COQ2: variants seen among roughly 807,000 people sequenced by gnomAD.
The protein encoded by COQ2 is 4-hydroxybenzoate polyprenyltransferase, mitochondrial.
A neutral mutation model predicts 35.7 loss-of-function variants in COQ2; 25 were observed. The ratio of observed to expected loss-of-function variants is 0.70; its 90% confidence interval spans 0.51 to 0.98. The LOEUF is 0.98. Ranked by LOEUF, COQ2 falls within the 50% of genes least tolerant of loss-of-function variation. The pLI, the probability that COQ2 is intolerant of heterozygous loss-of-function variation, is 0.00. For synonymous variants in COQ2, 206 were observed against 186.2 expected, an observed-to-expected ratio of 1.11 and a Z score of -0.86; for missense variants, 488 against 473.5, an observed-to-expected ratio of 1.03 and a Z score of -0.28.
rs1480123210 is a variant in COQ2, at chr4:83,264,115, T to A, written c.*84A>T. The A allele has an allele frequency of 5.1e-6, 4 of 787,330 alleles. No homozygotes were observed. Among genetic ancestry groups the A allele is most frequent in the Non-Finnish European group, 1.9e-6 (1 of 517,566 alleles). 48.8% of individuals were successfully genotyped at this position (787,330 alleles called of 1,614,324 possible). On this transcript the variant is annotated 3_prime_UTR_variant, in exon 7 of 7. Transcript: ENST00000647002. The stretch of plus-strand genomic sequence containing the variant: ...CTTCATCTTCAGGTTCTTAATTCTT[T>A]AACATATTGTATCAGATTTTGTATT...
intron 2 of COQ2, among the ~76,000 whole-genome samples, chr4:83,276,661 A>G (rs1735193577): frequency 6.6e-6 from 1 of 152,192 alleles, no homozygotes; most frequent in African/African-American, 2.4e-5. Context: ...AACTAAAAAC[A>G]GAACTACTAA....
chr4:83,271,348 G>A (rs1735043496), intron 4 of COQ2, among the ~76,000 whole-genome samples: 1 of 152,154 alleles, frequency 6.6e-6, no homozygotes, highest in South Asian at 2.1e-4. Context: ...AGAAGAGACT[G>A]TCTAACTTCT....
intron 5 of COQ2, among the ~76,000 whole-genome samples, chr4:83,268,412 T>C (rs1184096922): frequency 6.6e-6 from 1 of 152,198 alleles, no homozygotes; most frequent in Non-Finnish European, 1.5e-5. Context: ...TTGTAAATAA[T>C]GATGGTCACG....
rs1302463616 is a variant in COQ2, at chr4:83,284,542, A to G, written c.223T>C (p.Leu75=). 2 of 1,575,258 alleles carry G rather than the reference A, an allele frequency of 1.3e-6. No homozygotes were observed. Among genetic ancestry groups the G allele is most frequent in the South Asian group, 1.2e-5 (1 of 86,290 alleles). The change falls in exon 1 of 7, where the codon TTG becomes CTG. Residue 75 remains leucine (L), a synonymous_variant. Transcript: ENST00000647002. ...GGCTTGTCCAACCGCATGAGGCGCA[A>G]GTACGGCTGCAGGGGGCGGGGCGCA... The part of the protein sequence containing the change: ...DSAPRPLQPY[L]RLMRLDKPIG...
intron 2 of COQ2, among the ~76,000 whole-genome samples, chr4:83,276,066 ATTTTATATATAATATATAT>A: frequency 7.2e-5 from 1 of 13,840 alleles, no homozygotes; most frequent in East Asian, 0.026. Flanking sequence ...TATAATATAT[ATTTTATATATAATATATAT>A]ATACATATTC....
In COQ2 at chr4:83,279,001, G is replaced by C. The variant is rs758103492; in HGVS notation, c.367C>G (p.Arg123Gly). The change falls in exon 2 of 7, where the codon CGT becomes GGT. Residue 123 changes from arginine (R) to glycine (G), a missense_variant. Transcript: ENST00000647002. ...TCATTAATAGTACAGCCTGCTCCACGCATCAGAATAGCTCCAGTGCCAAAG... is the reference window on the plus strand; with the variant it reads ...TCATTAATAGTACAGCCTGCTCCACCCATCAGAATAGCTCCAGTGCCAAAG... ...SLFGTGAILMRGAGCTINDMW... is the reference protein window; with the variant it reads ...SLFGTGAILMGGAGCTINDMW... 1 of 1,608,454 alleles carries C rather than the reference G, an allele frequency of 6.2e-7. No individual in the cohort carries two copies. Among genetic ancestry groups the C allele is most frequent in the South Asian group, 1.1e-5 (1 of 89,774 alleles).
Position 83,284,798 on chromosome 4 carries a change from C to A in COQ2, c.-34G>T. On this transcript the variant is annotated 5_prime_UTR_variant, in exon 1 of 7. Coordinates refer to ENST00000647002, the MANE Select transcript of COQ2 (RefSeq NM_001358921.2). ...TGAGGCCGGGACGAGCTCGGATTGA[C>A]GTCATTCCCCGGCAGGCATGCGCAG... The A allele has an allele frequency of 6.4e-7, 1 of 1,569,736 alleles. No homozygotes were observed. Among genetic ancestry groups the A allele is most frequent in the Non-Finnish European group, 8.6e-7 (1 of 1,165,072 alleles).
At chr4:83,276,077 A>AATATATT (rs1553916319) in intron 2 of COQ2, among the ~76,000 whole-genome samples, 20 of 139,078 alleles carry the variant, frequency 1.4e-4, no homozygotes, top group Non-Finnish European at 3.0e-4. Flanking sequence ...TTTTATATAT[A>AATATATT]ATATATATAT....
chr4:83,279,225 C>G, intron 1 of COQ2, 111 bp from the exon 2 acceptor site: 1 of 1,282,262 alleles, frequency 7.8e-7, no homozygotes, highest in East Asian at 2.9e-5. Context: ...GTCAAAAAAA[C>G]AAATGACAAA....
At chr4:83,284,972 AGGC>A, upstream of COQ2, 1 of 1,203,452 alleles carries the variant, frequency 8.3e-7, no homozygotes, top group Non-Finnish European at 1.1e-6. Flanking sequence ...TATTGGCAAA[AGGC>A]AAAAAAATTA....
Position 83,267,809 on chromosome 4 carries a change from G to A in COQ2, c.763-35C>T, listed in dbSNP as rs578234995. On this transcript the variant is annotated intron_variant, in intron 5 of 6. Coordinates refer to ENST00000647002, the MANE Select transcript of COQ2 (RefSeq NM_001358921.2). ...GAAAGAAAAATAAACTGTTTTTTGA[G>A]ATTTAGTTCACACACCATAAAATTC... is the stretch of plus-strand genomic sequence containing the variant. 56 of 1,484,778 alleles carry A rather than the reference G, an allele frequency of 3.8e-5. No individual in the cohort carries two copies. The East Asian group carries it at 1.1e-3, about 29-fold the overall frequency. 92.0% of individuals were successfully genotyped at this position (1,484,778 alleles called of 1,614,324 possible).
rs376446272 is a variant in COQ2 at position 83,273,660 on chromosome 4, C to G, written c.421-43G>C. The G allele has an allele frequency of 7.6e-6, 12 of 1,586,186 alleles. No homozygotes were observed. The African/African-American group carries it at 1.6e-4, about 22-fold the overall frequency. Reference sequence around the variant, plus strand: ...GATACCTTAGCTTCATGTAATGACTCAATCATTTATTTAAACATTTAATGA... The same window carrying G: ...GATACCTTAGCTTCATGTAATGACTGAATCATTTATTTAAACATTTAATGA... On this transcript the variant is annotated intron_variant, in intron 2 of 6. Coordinates refer to ENST00000647002, the MANE Select transcript of COQ2 (RefSeq NM_001358921.2).
intron 6 of COQ2, among the ~76,000 whole-genome samples, chr4:83,264,946 T>A (rs981955559): frequency 6.6e-6 from 1 of 152,222 alleles, no homozygotes; most frequent in Non-Finnish European, 1.5e-5. Flanking sequence ...ATATTGACTG[T>A]ATCTGGCCAT....
Position 83,272,161 on chromosome 4 carries a change from C to A in COQ2, c.554G>T (p.Gly185Val). Residue 185 changes from glycine to valine, a missense_variant, in exon 4 of 7, where the codon GGA becomes GTA. Transcript: ENST00000647002. ...LCLNYYSIAL[G>V]AGSLLLVITY... ...GATGACAAGAAGTAAGGATCCTGCT[C>A]CCAGAGCTATACTGAAAAGAGGAAA... The A allele has an allele frequency of 6.2e-7, 1 of 1,608,088 alleles. No homozygotes were observed. The highest frequency in any genetic ancestry group is 1.1e-5 in the South Asian group (1 of 89,866).
At chr4:83,268,947 C>A in intron 5 of COQ2, among the ~76,000 whole-genome samples, 1 of 152,276 alleles carries the variant, frequency 6.6e-6, no homozygotes, top group Non-Finnish European at 1.5e-5. Flanking sequence ...ATCAAATCAT[C>A]ACACTGTATA....
Position 83,279,164 on chromosome 4 carries a change from T to A in COQ2, c.254-50A>T, listed in dbSNP as rs116687075. On this transcript the variant is annotated intron_variant, in intron 1 of 6. Coordinates refer to ENST00000647002, the MANE Select transcript of COQ2 (RefSeq NM_001358921.2). ...AAGGTACAAATTTAAGTCAGTTAAC[T>A]GTTTTCATTTGTTTAAACATCACAT... The A allele has an allele frequency of 0.021, 31,129 of 1,490,076 alleles. 353 individuals are homozygous for A. Among genetic ancestry groups the A allele is most frequent in the Non-Finnish European group, 0.024 (27,465 of 1,123,460 alleles). The allele number at this position is 1,490,076 out of a possible 1,614,324, so 92.3% of individuals were successfully genotyped here. A position where few individuals can be genotyped will look rare whatever the true frequency, so the allele number is the denominator to read the frequency against.
At position 83,284,713 on chromosome 4, in the gene COQ2, G is replaced by A. The variant is rs757388878; in HGVS notation, c.52C>T (p.Leu18=). Residue 18 remains leucine, a synonymous_variant, in exon 1 of 7, where the codon CTG becomes TTG. Transcript: ENST00000647002. ...GFARGLRAVA[L]AWLPGWRGRS... ...CCCCGCCAGCCCGGCAGCCACGCCA[G>A]TGCCACAGCCCGCAGGCCCCGCGCG... 1 of 1,502,332 alleles carries A rather than the reference G, an allele frequency of 6.7e-7. No homozygotes were observed. Among genetic ancestry groups the A allele is most frequent in the South Asian group, 1.2e-5 (1 of 80,066 alleles). 93.1% of individuals were successfully genotyped at this position (1,502,332 alleles called of 1,614,324 possible). A position where few individuals can be genotyped will look rare whatever the true frequency, so the allele number is the denominator to read the frequency against.
chr4:83,284,864 G>A, upstream of COQ2: 2 of 1,533,470 alleles, frequency 1.3e-6, no homozygotes, highest in Non-Finnish European at 1.7e-6. Flanking sequence ...CAGGCTGGGC[G>A]GCGGTGTGGG....
chr4:83,274,479 G>A (rs1281068641), intron 2 of COQ2, among the ~76,000 whole-genome samples: 8 of 152,208 alleles, frequency 5.3e-5, no homozygotes, highest in Non-Finnish European at 1.0e-4. Flanking sequence ...ATAAGCGTGA[G>A]CCACGGTGCC....
Sources: gnomAD v4.1 joint callset for allele counts (sites outside exome capture counted in the v4.1 genomes callset) on GRCh38, gnomAD v4.1.1 for gene constraint, MANE v1.5 for transcripts, NCBI Gene and HGNC (gene_info 2026-07-23, HGNC 2026-07-21) for gene names.